The following CTNNA3 variants were observed in gnomAD, a reference collection of about 807,000 sequenced individuals.
CTNNA3 encodes the protein catenin alpha 3.
A neutral mutation model predicts 95.7 loss-of-function variants in CTNNA3; 76 were observed. The ratio of observed to expected loss-of-function variants is 0.79; its 90% confidence interval spans 0.66 to 0.96. The LOEUF is 0.96. Among genes scored for constraint, CTNNA3 ranks in the 40% least tolerant of loss-of-function variants. CTNNA3 has a pLI of 0.00. For synonymous variants in CTNNA3, 431 were observed against 374.4 expected, an observed-to-expected ratio of 1.15 and a Z score of -1.74; for missense variants, 1,191 against 1,089.8, an observed-to-expected ratio of 1.09 and a Z score of -1.31.
At chr10:67,699,105 C>G (rs1277965118), upstream of CTNNA3, among the ~76,000 whole-genome samples, 1 of 152,178 alleles carries the variant, frequency 6.6e-6, no homozygotes, top group East Asian at 1.9e-4. Flanking sequence ...CTCACCTTTT[C>G]AAGGACTCTG....
At chr10:67,508,755 C>T (rs186742029) in intron 5 of CTNNA3, among the ~76,000 whole-genome samples, 1 of 152,186 alleles carries the variant, frequency 6.6e-6, no homozygotes, top group East Asian at 1.9e-4. Context: ...GCAGACCATA[C>T]ATCCAATAAG....
chr10:66,701,470 C>T (rs140014573), intron 9 of CTNNA3, among the ~76,000 whole-genome samples: 19 of 152,268 alleles, frequency 1.2e-4, no homozygotes, highest in Admixed American at 1.2e-3. Context: ...AACACTGTTA[C>T]AGTTTCAACA....
intron 3 of CTNNA3, among the ~76,000 whole-genome samples, chr10:67,590,623 T>C (rs536101440): frequency 6.6e-6 from 1 of 152,282 alleles, no homozygotes; most frequent in South Asian, 2.1e-4. Flanking sequence ...CTCATTTGCA[T>C]ATCTATCTCA....
intron 13 of CTNNA3, among the ~76,000 whole-genome samples, chr10:66,246,834 C>T (rs374730373): frequency 1.4e-4 from 21 of 151,650 alleles, no homozygotes; most frequent in South Asian, 4.2e-4. Flanking sequence ...AGGTGGATCA[C>T]GAGGTCAAGA....
upstream of CTNNA3, among the ~76,000 whole-genome samples, chr10:67,696,956 T>G (rs567794378): frequency 1.5e-4 from 23 of 152,346 alleles, no homozygotes; most frequent in African/African-American, 4.8e-4. Flanking sequence ...AACTAAAATA[T>G]GAACTACTTG....
intron 1 of CTNNA3, among the ~76,000 whole-genome samples, chr10:67,735,842 A>C (rs1841299788): frequency 6.6e-6 from 1 of 152,212 alleles, no homozygotes; most frequent in South Asian, 2.1e-4. Flanking sequence ...ACAGATGTTC[A>C]AAGATTTATA....
At chr10:66,585,270 C>T (rs1302451518) in intron 10 of CTNNA3, among the ~76,000 whole-genome samples, 1 of 151,974 alleles carries the variant, frequency 6.6e-6, no homozygotes, top group Non-Finnish European at 1.5e-5. Flanking sequence ...GGAAATTTTC[C>T]TCAAATAGAC....
At chr10:66,825,201 TA>T (rs1842457897) in intron 7 of CTNNA3, among the ~76,000 whole-genome samples, 2 of 148,202 alleles carry the variant, frequency 1.3e-5, no homozygotes, top group African/African-American at 4.9e-5. Context: ...TAAAAATACA[TA>T]TATATTTTAA....
chr10:67,158,964 A>G (rs1000740476), intron 7 of CTNNA3, among the ~76,000 whole-genome samples: 3 of 152,162 alleles, frequency 2.0e-5, no homozygotes, highest in Non-Finnish European at 4.4e-5. Flanking sequence ...TATACTCAGT[A>G]CCTGTTTTTA....
intron 7 of CTNNA3, among the ~76,000 whole-genome samples, chr10:66,845,708 A>AAATAAATAAATAAATAAAT (rs1554862144): frequency 9.1e-5 from 7 of 77,334 alleles, no homozygotes; most frequent in African/African-American, 1.2e-4. Context: ...TGTCTCAAAA[A>AAATAAATAAATAAATAAAT]AAAAAAAAAA....
chr10:66,910,079 T>C (rs1846157389), intron 7 of CTNNA3, among the ~76,000 whole-genome samples: 1 of 152,144 alleles, frequency 6.6e-6, no homozygotes, highest in Non-Finnish European at 1.5e-5. Flanking sequence ...AAAATGTTTA[T>C]GAAGATTATA....
chr10:66,796,700 T>G (rs1267349650), intron 7 of CTNNA3, among the ~76,000 whole-genome samples: 2 of 152,178 alleles, frequency 1.3e-5, no homozygotes, highest in South Asian at 2.1e-4. Context: ...TATGCCTGTA[T>G]GAATGCAAAT....
chr10:66,334,950 A>C (rs1371236025), intron 12 of CTNNA3, among the ~76,000 whole-genome samples: 1 of 151,608 alleles, frequency 6.6e-6, no homozygotes, highest in Non-Finnish European at 1.5e-5. Context: ...TTTTTCTGTA[A>C]ACTTCTCTTC....
chr10:66,777,605 C>T (rs1840354932), intron 7 of CTNNA3, among the ~76,000 whole-genome samples: 1 of 152,126 alleles, frequency 6.6e-6, no homozygotes, highest in African/African-American at 2.4e-5. Context: ...TAAACAGATA[C>T]ACAATGAGCT....
At chr10:67,105,887 T>A (rs1284117699) in intron 7 of CTNNA3, among the ~76,000 whole-genome samples, 2 of 152,162 alleles carry the variant, frequency 1.3e-5, no homozygotes, top group Non-Finnish European at 2.9e-5. Context: ...AAGACTGAGA[T>A]CCTTGTGATG....
At chr10:66,190,235 CA>C (rs2086596240) in intron 13 of CTNNA3, among the ~76,000 whole-genome samples, 1 of 152,100 alleles carries the variant, frequency 6.6e-6, no homozygotes, top group African/African-American at 2.4e-5. Context: ...AATTTCTCAT[CA>C]AAAACCATAG....
At chr10:66,039,717 A>G (rs2079642731) in intron 15 of CTNNA3, among the ~76,000 whole-genome samples, 1 of 152,178 alleles carries the variant, frequency 6.6e-6, no homozygotes, top group African/African-American at 2.4e-5. Flanking sequence ...TACACCATAC[A>G]CAAAAATTAA....
chr10:67,044,677 T>G (rs183678333), intron 7 of CTNNA3, among the ~76,000 whole-genome samples: 2 of 152,304 alleles, frequency 1.3e-5, no homozygotes, highest in East Asian at 3.9e-4. Flanking sequence ...TAACTTTTGT[T>G]TTTAATGACT....
At chr10:66,960,577 A>G (rs1471967798) in intron 7 of CTNNA3, among the ~76,000 whole-genome samples, 1 of 152,166 alleles carries the variant, frequency 6.6e-6, no homozygotes, top group African/African-American at 2.4e-5. Flanking sequence ...ACTACAAGAG[A>G]AAAGAGAGAA....
Sources: gnomAD v4.1 joint callset for allele counts (sites outside exome capture counted in the v4.1 genomes callset) on GRCh38, gnomAD v4.1.1 for gene constraint, MANE v1.5 for transcripts, NCBI Gene and HGNC (gene_info 2026-07-23, HGNC 2026-07-21) for gene names.